Variants in EPAS1 observed in about 807,000 individuals in gnomAD.
EPAS1 encodes endothelial PAS domain-containing protein 1.
In EPAS1, 23 loss-of-function variants were observed where a neutral mutation model predicts 87.9. The ratio of observed to expected loss-of-function variants is 0.26; its 90% CI spans 0.19 to 0.37. EPAS1 has a LOEUF of 0.37. Among genes scored for constraint, EPAS1 ranks in the 10% least tolerant of loss-of-function variants. The pLI is 1.00. For missense variants in EPAS1, 1,138 were observed against 1,120.7 expected, an observed-to-expected ratio of 1.02 and a Z score of -0.22; for synonymous variants, 508 against 444.3, an observed-to-expected ratio of 1.14 and a Z score of -1.80.
chr2:46,369,436 T>C (rs1684576549), intron 6 of EPAS1, among the ~76,000 whole-genome samples: 1 of 152,248 alleles, frequency 6.6e-6, no homozygotes, highest in Non-Finnish European at 1.5e-5. Context: ...CCTGGACACC[T>C]GTGTAGGCAT....
At chr2:46,327,727 T>G (rs549083592) in intron 1 of EPAS1, among the ~76,000 whole-genome samples, 38 of 152,036 alleles carry the variant, frequency 2.5e-4, no homozygotes, top group African/African-American at 8.4e-4. Context: ...TGGCACAGAG[T>G]AGGCACACAC....
At chr2:46,383,015 C>G (rs1572651082) in intron 15 of EPAS1, among the ~76,000 whole-genome samples, 2 of 147,084 alleles carry the variant, frequency 1.4e-5, no homozygotes, top group Admixed American at 8.4e-5. Context: ...AGAGAAAGTT[C>G]AGAGAGAGAG....
rs1344841778 is a variant in EPAS1, at chr2:46,300,338, C to T, written c.26+2401C>T. Among the ~76,000 whole-genome samples, 1 of 152,190 alleles carries T rather than the reference C, an allele frequency of 6.6e-6. No homozygotes were observed. The highest frequency in any genetic ancestry group is 1.5e-5 in the Non-Finnish European group (1 of 68,038). On this transcript the variant is annotated intron_variant, in intron 1 of 15. Coordinates refer to ENST00000263734, the MANE Select transcript of EPAS1 (RefSeq NM_001430.5). The surrounding 1 kb of genome is among the most constrained non-coding windows in gnomAD (Gnocchi z 4.1). ...TTTGTGTTTCTTTGGTTTAGCAGAGCAGTTTCTTCCCCCAAATGCAATATG... is the reference window on the plus strand; with the variant it reads ...TTTGTGTTTCTTTGGTTTAGCAGAGTAGTTTCTTCCCCCAAATGCAATATG...
At chr2:46,325,198 T>C (rs1194981430) in intron 1 of EPAS1, among the ~76,000 whole-genome samples, 1 of 152,250 alleles carries the variant, frequency 6.6e-6, no homozygotes, top group Non-Finnish European at 1.5e-5. Context: ...GCTCTGTATG[T>C]TCTAGGTTAG....
chr2:46,377,944 C>T lies in EPAS1; in HGVS notation c.1300C>T (p.Pro434Ser), dbSNP rs141101216. Residue 434 changes from proline (P) to serine (S), a missense_variant, in exon 10 of 16, where the codon CCG (proline) becomes TCG (serine). Pro to Ser is a moderately conservative substitution (Grantham distance 74). Coordinates refer to ENST00000263734, the MANE Select transcript of EPAS1 (RefSeq NM_001430.5). Reference protein sequence around the residue: ...SSAYGKAILPPSQPWATELRS... With the variant: ...SSAYGKAILPSSQPWATELRS... ...AGCCTATGGCAAGGCCATCCTGCCCCCGAGCCAGCCATGGGCCACGGAGTT... is the reference window on the plus strand; with the variant it reads ...AGCCTATGGCAAGGCCATCCTGCCCTCGAGCCAGCCATGGGCCACGGAGTT... 990 of 1,558,138 alleles carry T rather than the reference C, an allele frequency of 6.4e-4. No homozygotes were observed. Among genetic ancestry groups the T allele is most frequent in the Non-Finnish European group, 8.3e-4 (953 of 1,150,620 alleles).
At chr2:46,349,029 A>G (rs1294885487) in intron 2 of EPAS1, among the ~76,000 whole-genome samples, 1 of 152,198 alleles carries the variant, frequency 6.6e-6, no homozygotes, top group Non-Finnish European at 1.5e-5. Flanking sequence ...CTGCACCTGG[A>G]ATTCAAGTCC....
intron 15 of EPAS1, among the ~76,000 whole-genome samples, chr2:46,383,015 CAG>C (rs946392632): frequency 6.8e-6 from 1 of 147,084 alleles, no homozygotes. Flanking sequence ...AGAGAAAGTT[CAG>C]AGAGAGAGAG....
intron 1 of EPAS1, among the ~76,000 whole-genome samples, chr2:46,323,217 G>A (rs1683486044): frequency 6.6e-6 from 1 of 152,032 alleles, no homozygotes; most frequent in African/African-American, 2.4e-5. Context: ...TTTTTTTTAA[G>A]CTGCTATATT....
At chr2:46,372,594 G>A (rs1285481137) in intron 7 of EPAS1, among the ~76,000 whole-genome samples, 2 of 152,222 alleles carry the variant, frequency 1.3e-5, no homozygotes, top group Admixed American at 1.3e-4. Flanking sequence ...TTTGTTATAT[G>A]AGGATATTAT....
chr2:46,301,770 A>G (rs959793652), intron 1 of EPAS1, among the ~76,000 whole-genome samples: 16 of 151,594 alleles, frequency 1.1e-4, no homozygotes, highest in African/African-American at 3.6e-4. Context: ...GCTTTTCTGG[A>G]TAATTATCAA....
rs543737457 is a variant in EPAS1 at position 46,345,172 on chromosome 2, G to T, written c.27-1701G>T. Among the ~76,000 whole-genome samples, 6 of 152,188 alleles carry T rather than the reference G, an allele frequency of 3.9e-5. 1 individual carries two copies. Among genetic ancestry groups the T allele is most frequent in the South Asian group, 4.2e-4 (2 of 4,806 alleles). ...TTATTTATATTTTTATAGAGACAGG[G>T]TCTCACTATATTGCCCGGGCTGGTC... is the stretch of plus-strand genomic sequence containing the variant. On this transcript the variant is annotated intron_variant, in intron 1 of 15. Transcript: ENST00000263734.
Position 46,346,357 on chromosome 2 carries a change from C to G in EPAS1, c.27-516C>G, listed in dbSNP as rs147672748. Among the ~76,000 whole-genome samples the G allele has an allele frequency of 5.4e-4, 83 of 152,336 alleles. No homozygotes were observed. Among genetic ancestry groups the G allele is most frequent in the African/African-American group, 1.8e-3 (74 of 41,572 alleles). On this transcript the variant is annotated intron_variant, in intron 1 of 15. Coordinates refer to ENST00000263734, the MANE Select transcript of EPAS1 (RefSeq NM_001430.5). The surrounding 1 kb of genome is among the most constrained non-coding windows in gnomAD (Gnocchi z 4.0). ...TTTTCAGTTTTTACTGTGGAAATCA[C>G]TTTCTGGTATGAAGCGGGATCTAGG...
At chr2:46,336,600 TGG>T (rs1683798764) in intron 1 of EPAS1, among the ~76,000 whole-genome samples, 1 of 152,220 alleles carries the variant, frequency 6.6e-6, no homozygotes, top group Admixed American at 6.5e-5. Flanking sequence ...GGATTCTTCC[TGG>T]CCAGAGAGAA....
At position 46,297,704 on chromosome 2, in the gene EPAS1, TC is replaced by T; in HGVS notation, c.-205del. 1 of 593,880 alleles carries T rather than the reference TC, an allele frequency of 1.7e-6. No individual in the cohort carries two copies. Among genetic ancestry groups the T allele is most frequent in the Non-Finnish European group, 2.9e-6 (1 of 340,954 alleles). The allele number at this position is 593,880 out of a possible 1,614,324, so 36.8% of individuals were successfully genotyped here. A position where few individuals can be genotyped will look rare whatever the true frequency, so the allele number is the denominator to read the frequency against. The stretch of plus-strand genomic sequence containing the variant: ...GACCCCGCCTCCGCGCGCAGGTTCC[TC>T]CCAGTCACCTTTCTCCACCCCCGCC... On this transcript the variant is annotated 5_prime_UTR_variant, in exon 1 of 16. Transcript: ENST00000263734.
In EPAS1 at chr2:46,367,913, G is replaced by A. The variant is rs143661645; in HGVS notation, c.780-1914G>A. Among the ~76,000 whole-genome samples, 268 of 152,294 alleles carry A rather than the reference G, an allele frequency of 1.8e-3. 1 individual carries two copies. Among genetic ancestry groups the A allele is most frequent in the Non-Finnish European group, 2.1e-3 (142 of 68,030 alleles). On this transcript the variant is annotated intron_variant, in intron 6 of 15. Coordinates refer to ENST00000263734, the MANE Select transcript of EPAS1 (RefSeq NM_001430.5). Reference sequence around the variant, plus strand: ...ACAGGTTCTGTGTGTGTGTGTGTGCGCGTGCATGTGTGCGCACACACATTG... The same window carrying A: ...ACAGGTTCTGTGTGTGTGTGTGTGCACGTGCATGTGTGCGCACACACATTG...
intron 1 of EPAS1, among the ~76,000 whole-genome samples, chr2:46,306,109 T>C (rs566694058): frequency 5.9e-5 from 9 of 152,336 alleles, no homozygotes; most frequent in African/African-American, 1.9e-4. Flanking sequence ...TTAAAATACA[T>C]CCATTAAAGT....
chr2:46,298,065 G>C lies in EPAS1; in HGVS notation c.26+128G>C, dbSNP rs1447977981. The C allele has an allele frequency of 1.0e-5, 12 of 1,149,346 alleles. No homozygotes were observed. In the East Asian group the frequency reaches 3.1e-4, roughly 30 times the overall value. The allele number at this position is 1,149,346 out of a possible 1,614,324, so 71.2% of individuals were successfully genotyped here. On this transcript the variant is annotated intron_variant, in intron 1 of 15. Transcript: ENST00000263734. ...TCTTCGGAGCTCGAGGCTCGGTTTGGAGGGCTGTGAGGGGGAGAGCATGTG... is the reference window on the plus strand; with the variant it reads ...TCTTCGGAGCTCGAGGCTCGGTTTGCAGGGCTGTGAGGGGGAGAGCATGTG...
chr2:46,356,303 G>T lies in EPAS1; in HGVS notation c.369+1G>T, dbSNP rs1297061846. 1.2e-6 allele frequency: 2 copies of T among 1,614,162 alleles called. No homozygotes were observed. On this transcript the variant is annotated splice_donor_variant, in intron 3 of 15. Transcript: ENST00000263734. LOFTEE classifies it high-confidence loss of function. Reference sequence around the variant, plus strand: ...CAGCAAGTTCATGGGACTTACACAGGTGACACCCTCCTCTATCTCTTTCAA... The same window carrying T: ...CAGCAAGTTCATGGGACTTACACAGTTGACACCCTCCTCTATCTCTTTCAA...
At chr2:46,335,072 T>G (rs1425660047) in intron 1 of EPAS1, among the ~76,000 whole-genome samples, 1 of 152,144 alleles carries the variant, frequency 6.6e-6, no homozygotes, top group African/African-American at 2.4e-5. Flanking sequence ...TTTCCTTTTT[T>G]TAATAGGGAG....
Sources: allele counts gnomAD v4.1 joint callset (sites outside exome capture counted in the v4.1 genomes callset), GRCh38; gene constraint gnomAD v4.1.1; non-coding constraint Gnocchi (gnomAD v3.1); transcripts MANE v1.5; gene names NCBI Gene and HGNC (gene_info 2026-07-23, HGNC 2026-07-21).